The following GPD2 variants were observed in gnomAD, a reference collection of about 807,000 sequenced individuals.
The protein encoded by GPD2 is glycerol-3-phosphate dehydrogenase 2, also known as glycerol-3-phosphate dehydrogenase, mitochondrial.
In GPD2, 54 loss-of-function variants were observed where a neutral mutation model predicts 82.4. That is an observed-to-expected ratio of 0.66 (90% CI 0.53 to 0.82). The LOEUF is 0.82. Among genes scored for constraint, GPD2 ranks in the 40% least tolerant of loss-of-function variants. The pLI, the probability that GPD2 is intolerant of heterozygous loss-of-function variation, is 0.00. For missense variants in GPD2, 748 were observed against 896.2 expected, an observed-to-expected ratio of 0.83 and a Z score of 2.11; for synonymous variants, 288 against 306.1, an observed-to-expected ratio of 0.94 and a Z score of 0.62.
At chr2:156,430,139 C>A in the GPD2 span, among the ~76,000 whole-genome samples, 3 of 151,984 alleles carry the variant, frequency 2.0e-5, no homozygotes, top group African/African-American at 7.3e-5. Flanking sequence ...AAGCTCAGAA[C>A]AAAGTGTTTT....
At chr2:156,421,544 TAC>T in the GPD2 span, among the ~76,000 whole-genome samples, 27 of 152,348 alleles carry the variant, frequency 1.8e-4, no homozygotes, top group African/African-American at 5.1e-4. Context: ...TCCAGCTCTT[TAC>T]AGTCTGCTAA....
chr2:156,510,739 T>G, intron 3 of GPD2, 57 bp from the exon 4 acceptor site: 1 of 1,455,816 alleles, frequency 6.9e-7, no homozygotes, highest in Non-Finnish European at 9.6e-7. Flanking sequence ...GTGCCTTTAA[T>G]GAATTACATA....
At chr2:156,526,018 C>T (rs1455836233) in intron 6 of GPD2, among the ~76,000 whole-genome samples, 1 of 151,990 alleles carries the variant, frequency 6.6e-6, no homozygotes, top group African/African-American at 2.4e-5. Flanking sequence ...CTCTGCCTAC[C>T]ATTTTGTAGG....
At chr2:156,496,889 G>C (rs1684403491) in intron 3 of GPD2, among the ~76,000 whole-genome samples, 1 of 151,964 alleles carries the variant, frequency 6.6e-6, no homozygotes, top group Non-Finnish European at 1.5e-5. Flanking sequence ...ATGGACTGCA[G>C]TTTGCGAAAC....
chr2:156,502,238 T>TA (rs200546949), intron 3 of GPD2, among the ~76,000 whole-genome samples: 1 of 151,508 alleles, frequency 6.6e-6, no homozygotes, highest in Admixed American at 6.6e-5. Flanking sequence ...AAATTTTTTT[T>TA]AAAAATTGGG....
At chr2:156,513,518 T>C in intron 6 of GPD2, 22 bp downstream of exon 6, 1 of 1,597,876 alleles carries the variant, frequency 6.3e-7, no homozygotes, top group Middle Eastern at 1.7e-4. Context: ...TTTTTTTTTT[T>C]TTCCTCACAA....
At chr2:156,466,502 G>A (rs1283931379) in intron 1 of GPD2, among the ~76,000 whole-genome samples, 1 of 152,148 alleles carries the variant, frequency 6.6e-6, no homozygotes, top group South Asian at 2.1e-4. Flanking sequence ...TTTTAGAAAT[G>A]GTAGAAAGCA....
In GPD2 at chr2:156,509,802, CT is replaced by C. The variant is rs1342731786; in HGVS notation, c.275-993del. On this transcript the variant is annotated intron_variant, in intron 3 of 16. Coordinates refer to ENST00000438166, the MANE Select transcript of GPD2 (RefSeq NM_000408.5). ...TTTTTTTTATTTCCTGAGATGGAGT[CT>C]CACCCTGTCACCCAGGCTGGAGTGC... Among the ~76,000 whole-genome samples, 4 of 118,894 alleles carry C rather than the reference CT, an allele frequency of 3.4e-5. No individual in the cohort carries two copies. In the Admixed American group the frequency reaches 4.4e-4, roughly 13 times the overall value. 78.0% of individuals were successfully genotyped at this position (118,894 alleles called of 152,430 possible). A position where few individuals can be genotyped will look rare whatever the true frequency, so the allele number is the denominator to read the frequency against.
At chr2:156,509,765 CTTT>C (rs60361072) in intron 3 of GPD2, among the ~76,000 whole-genome samples, 4 of 117,368 alleles carry the variant, frequency 3.4e-5, no homozygotes, top group Non-Finnish European at 3.4e-5. Context: ...ATATGTTCTT[CTTT>C]TTTTTTTTTT....
chr2:156,548,019 A>G (rs578188761), intron 6 of GPD2, among the ~76,000 whole-genome samples: 1 of 152,290 alleles, frequency 6.6e-6, no homozygotes, highest in African/African-American at 2.4e-5. Flanking sequence ...GTACTACCAG[A>G]TATGTGCCTT....
chr2:156,570,508 C>T (rs1687575762), intron 12 of GPD2, among the ~76,000 whole-genome samples: 1 of 152,108 alleles, frequency 6.6e-6, no homozygotes, highest in East Asian at 1.9e-4. Context: ...TGTGCATTTG[C>T]AGCTCTTTAA....
At position 156,468,408 on chromosome 2, in the gene GPD2, A is replaced by C. The variant is rs1683216632; in HGVS notation, c.-8-7690A>C. Among the ~76,000 whole-genome samples the C allele has an allele frequency of 3.9e-5, 6 of 152,206 alleles. No individual in the cohort carries two copies. The South Asian group carries it at 1.2e-3, about 31-fold the overall frequency. Reference sequence around the variant, plus strand: ...TGCGAGTGTGAGGCCTGGCCCTCTGAGTTGTGCCTTCCATGGGTGTGACAG... The same window carrying C: ...TGCGAGTGTGAGGCCTGGCCCTCTGCGTTGTGCCTTCCATGGGTGTGACAG... On this transcript the variant is annotated intron_variant, in intron 1 of 16. Coordinates refer to ENST00000438166, the MANE Select transcript of GPD2 (RefSeq NM_000408.5).
chr2:156,494,226 A>G (rs886565284), intron 2 of GPD2, among the ~76,000 whole-genome samples: 2 of 152,224 alleles, frequency 1.3e-5, no homozygotes, highest in African/African-American at 4.8e-5. Flanking sequence ...TCCTAATCAT[A>G]TGTGACTAAA....
At chr2:156,520,539 ATTTT>A in intron 6 of GPD2, among the ~76,000 whole-genome samples, 1 of 149,722 alleles carries the variant, frequency 6.7e-6, no homozygotes, top group East Asian at 2.0e-4. Flanking sequence ...TTATTTATTT[ATTTT>A]TAAAATTATT....
At chr2:156,569,750 A>G (rs767977728) in intron 11 of GPD2, among the ~76,000 whole-genome samples, 5 of 152,136 alleles carry the variant, frequency 3.3e-5, no homozygotes, top group Non-Finnish European at 5.9e-5. Context: ...TTTATTAAAA[A>G]GTGGAGTTTA....
rs764447539 is a variant in GPD2 at position 156,510,939 on chromosome 2, T to A, written c.399+19T>A. On this transcript the variant is annotated intron_variant, in intron 4 of 16. Coordinates refer to ENST00000438166, the MANE Select transcript of GPD2 (RefSeq NM_000408.5). The stretch of plus-strand genomic sequence containing the variant: ...TGAGCAGGTAATTGTGTATGCTGGT[T>A]GTTAAACAAAAATTGCAACTGTGCT... 6.8e-6 allele frequency: 11 copies of A among 1,612,222 alleles called. No homozygotes were observed. The Admixed American group carries it at 1.2e-4, about 17-fold the overall frequency.
intron 6 of GPD2, among the ~76,000 whole-genome samples, chr2:156,541,820 G>GTTTTTTTTTT (rs1397587048): frequency 3.0e-5 from 1 of 33,704 alleles, no homozygotes. Context: ...ATAAAATGCT[G>GTTTTTTTTTT]TTTGTTTTTT....
At chr2:156,491,427 T>C (rs1417420287) in intron 2 of GPD2, among the ~76,000 whole-genome samples, 1 of 152,270 alleles carries the variant, frequency 6.6e-6, no homozygotes, top group East Asian at 1.9e-4. Flanking sequence ...AGATTTGGGC[T>C]GAAGACCATA....
chr2:156,447,841 A>G (rs923471949), intron 1 of GPD2, among the ~76,000 whole-genome samples: 2 of 151,444 alleles, frequency 1.3e-5, no homozygotes, highest in Admixed American at 1.3e-4. Context: ...TCTTTAGTTC[A>G]CTCTCTTTTC....
Sources: allele counts gnomAD v4.1 joint callset (sites outside exome capture counted in the v4.1 genomes callset), GRCh38; gene constraint gnomAD v4.1.1; transcripts MANE v1.5; gene names NCBI Gene and HGNC (gene_info 2026-07-23, HGNC 2026-07-21).